SIKE1: variants seen among roughly 807,000 people sequenced by gnomAD.
The protein encoded by SIKE1 is suppressor of IKBKE 1.
A neutral mutation model predicts 25.8 loss-of-function variants in SIKE1; 13 were observed. That is an observed-to-expected ratio of 0.50 (90% CI 0.33 to 0.80). The LOEUF (loss-of-function observed/expected upper bound fraction) is 0.80, where lower values mean the gene tolerates loss of function less well. SIKE1 is among the 30% of genes least tolerant of loss of function. SIKE1 has a pLI of 0.02. For missense variants in SIKE1, 222 were observed against 252.4 expected, an observed-to-expected ratio of 0.88 and a Z score of 0.82; for synonymous variants, 86 against 95.5, an observed-to-expected ratio of 0.90 and a Z score of 0.58.
chr1:114,775,628 T>A (rs1662216500), intron 4 of SIKE1, among the ~76,000 whole-genome samples: 1 of 151,380 alleles, frequency 6.6e-6, no homozygotes, highest in African/African-American at 2.4e-5. Context: ...CACCTCAGCC[T>A]CTGAGTACCT....
intron 2 of SIKE1, among the ~76,000 whole-genome samples, chr1:114,779,806 T>G (rs1662350406): frequency 6.6e-6 from 1 of 152,254 alleles, no homozygotes; most frequent in African/African-American, 2.4e-5. Context: ...TTTATATTAA[T>G]ACTTAAACAT....
At chr1:114,779,017 A>C in intron 3 of SIKE1, 125 bp downstream of exon 3, 2 of 1,179,844 alleles carry the variant, frequency 1.7e-6, no homozygotes, top group Non-Finnish European at 2.4e-6. Flanking sequence ...AGATCGTGCC[A>C]TTACACCACG....
rs184318575 is a variant in SIKE1 at position 114,778,743 on chromosome 1, T to C, written c.408+399A>G. Among the ~76,000 whole-genome samples, 4 of 152,136 alleles carry C rather than the reference T, an allele frequency of 2.6e-5. No homozygotes were observed. The East Asian group carries it at 7.8e-4, about 29-fold the overall frequency. On this transcript the variant is annotated intron_variant, in intron 3 of 4. Transcript: ENST00000060969. ...ACTTTTCTTCAAAAACAAGCACACA[T>C]GGCCAGGCGCAGTGGTTCATGCCTA...
intron 4 of SIKE1, among the ~76,000 whole-genome samples, chr1:114,775,757 T>C (rs1662219090): frequency 6.6e-6 from 1 of 152,146 alleles, no homozygotes; most frequent in Admixed American, 6.5e-5. Flanking sequence ...TTCACTTACC[T>C]CAGCCTCTCA....
chr1:114,774,037 A>C lies in SIKE1; in HGVS notation c.*234T>G. Reference sequence around the variant, plus strand: ...ATAAATCAAGGTCCCAGAAATGAAAATTAAAAGTAGTCTCTTTGAGAAAGG... The same window carrying C: ...ATAAATCAAGGTCCCAGAAATGAAACTTAAAAGTAGTCTCTTTGAGAAAGG... On this transcript the variant is annotated 3_prime_UTR_variant, in exon 5 of 5. Coordinates refer to ENST00000060969, the MANE Select transcript of SIKE1 (RefSeq NM_025073.3). 3.0e-6 allele frequency: 1 copy of C among 337,512 alleles called. No individual in the cohort carries two copies. The highest frequency in any genetic ancestry group is 1.3e-4 in the South Asian group (1 of 7,418). 20.9% of individuals were successfully genotyped at this position (337,512 alleles called of 1,614,324 possible). A position where few individuals can be genotyped will look rare whatever the true frequency, so the allele number is the denominator to read the frequency against.
rs1662009635 is a variant in SIKE1, at chr1:114,769,507, A to G, written c.*4764T>C. 6.6e-6 allele frequency: 1 copy of G among 152,190 alleles called. No homozygotes were observed. The highest frequency in any genetic ancestry group is 1.5e-5 in the Non-Finnish European group (1 of 68,034). 9.4% of individuals were successfully genotyped at this position (152,190 alleles called of 1,614,324 possible). On this transcript the variant is annotated 3_prime_UTR_variant, in exon 5 of 5. Transcript: ENST00000060969. ...TTTTAAAAAATGTATAATTTATTAT[A>G]TATGTATGTATTCCTTAACAATATG... is the stretch of plus-strand genomic sequence containing the variant.
Position 114,773,373 on chromosome 1 carries a change from T to A in SIKE1, c.*898A>T, listed in dbSNP as rs1662123057. The A allele has an allele frequency of 6.6e-6, 1 of 152,092 alleles. No homozygotes were observed. Among genetic ancestry groups the A allele is most frequent in the African/African-American group, 2.4e-5 (1 of 41,516 alleles). 9.4% of individuals were successfully genotyped at this position (152,092 alleles called of 1,614,324 possible). On this transcript the variant is annotated 3_prime_UTR_variant, in exon 5 of 5. Coordinates refer to ENST00000060969, the MANE Select transcript of SIKE1 (RefSeq NM_025073.3). ...CTATTAGTGCTAGGAATGAAAGACA[T>A]CCAATCCAAGTAAGTGATGGTTCTT...
chr1:114,777,256 C>CA (rs1335860723), intron 3 of SIKE1, among the ~76,000 whole-genome samples: 5 of 151,286 alleles, frequency 3.3e-5, no homozygotes, highest in Non-Finnish European at 5.9e-5. Context: ...AAAAAACAAA[C>CA]AAAAAAAAGG....
In SIKE1 at chr1:114,777,917, C is replaced by T. The variant is rs541105871; in HGVS notation, c.408+1225G>A. Among the ~76,000 whole-genome samples, 27 of 152,274 alleles carry T rather than the reference C, an allele frequency of 1.8e-4. No individual in the cohort carries two copies. In the East Asian group the frequency reaches 5.0e-3, roughly 28 times the overall value. ...ACTTAAATTTGAATACTTTTACTGGCAGGAAGCTTACTACATTCCAAGGTG... is the reference window on the plus strand; with the variant it reads ...ACTTAAATTTGAATACTTTTACTGGTAGGAAGCTTACTACATTCCAAGGTG... On this transcript the variant is annotated intron_variant, in intron 3 of 4. Transcript: ENST00000060969.
chr1:114,780,285 G>A lies in SIKE1; in HGVS notation c.160-70C>T, dbSNP rs144256088. The A allele has an allele frequency of 2.8e-3, 4,312 of 1,550,428 alleles. 11 individuals are homozygous for A. The highest frequency in any genetic ancestry group is 3.5e-3 in the Non-Finnish European group (3,969 of 1,128,130). On this transcript the variant is annotated intron_variant, in intron 1 of 4. Coordinates refer to ENST00000060969, the MANE Select transcript of SIKE1 (RefSeq NM_025073.3). The stretch of plus-strand genomic sequence containing the variant: ...GGCAGATGCAACTGAAGAGGCAGAA[G>A]TTAGGGCTCCAGGGCAGGATTCTCA...
intron 4 of SIKE1, among the ~76,000 whole-genome samples, chr1:114,774,606 T>A (rs1442642621): frequency 6.6e-6 from 1 of 152,188 alleles, no homozygotes; most frequent in African/African-American, 2.4e-5. Context: ...ACTGAGTAAT[T>A]TCTATATACC....
At chr1:114,774,926 A>G (rs1662170211) in intron 4 of SIKE1, among the ~76,000 whole-genome samples, 1 of 152,124 alleles carries the variant, frequency 6.6e-6, no homozygotes. Context: ...TCAGATGAGG[A>G]TACTCTGGCT....
In SIKE1 at chr1:114,770,548, T is replaced by C. The variant is rs1570982031; in HGVS notation, c.*3723A>G. On this transcript the variant is annotated 3_prime_UTR_variant, in exon 5 of 5. Transcript: ENST00000060969. ...CTTCTTTGTATCACTAATTTTAAAA[T>C]TGAAGGCAGATGTTTCTTCCTTAGC... The C allele has an allele frequency of 6.6e-6, 1 of 152,214 alleles. No individual in the cohort carries two copies. The highest frequency in any genetic ancestry group is 2.4e-5 in the African/African-American group (1 of 41,462). The allele number at this position is 152,214 out of a possible 1,614,324, so 9.4% of individuals were successfully genotyped here.
intron 4 of SIKE1, 123 bp downstream of exon 4, chr1:114,776,223 T>C: frequency 1.5e-6 from 1 of 669,570 alleles, no homozygotes; most frequent in South Asian, 1.8e-5. Context: ...AGGAGGAGTT[T>C]TAATTTTAAA....
rs763054890 is a variant in SIKE1 at position 114,771,188 on chromosome 1, G to GT, written c.*3082dup. ...AGAACTGCACCTTTTCCTGTATATAGTAAGAGTCACTGATTAAACATTATT... is the reference window on the plus strand; with the variant it reads ...AGAACTGCACCTTTTCCTGTATATAGTTAAGAGTCACTGATTAAACATTATT... On this transcript the variant is annotated 3_prime_UTR_variant, in exon 5 of 5. Coordinates refer to ENST00000060969, the MANE Select transcript of SIKE1 (RefSeq NM_025073.3). 4.6e-5 allele frequency: 7 copies of GT among 152,204 alleles called. No individual in the cohort carries two copies. The highest frequency in any genetic ancestry group is 1.3e-4 in the Admixed American group (2 of 15,282). The allele number at this position is 152,204 out of a possible 1,614,324, so 9.4% of individuals were successfully genotyped here. A position where few individuals can be genotyped will look rare whatever the true frequency, so the allele number is the denominator to read the frequency against.
rs1233497863 is a variant in SIKE1 at position 114,769,811 on chromosome 1, C to T, written c.*4460G>A. ...GAGAAGAGCTCAAATAGATAAAATA[C>T]AAGCACTCATAATGTTATTCTTAAG... On this transcript the variant is annotated 3_prime_UTR_variant, in exon 5 of 5. Coordinates refer to ENST00000060969, the MANE Select transcript of SIKE1 (RefSeq NM_025073.3). 2 of 152,090 alleles carry T rather than the reference C, an allele frequency of 1.3e-5. No individual in the cohort carries two copies. Among genetic ancestry groups the T allele is most frequent in the African/African-American group, 4.8e-5 (2 of 41,398 alleles). The allele number at this position is 152,090 out of a possible 1,614,324, so 9.4% of individuals were successfully genotyped here.
chr1:114,771,130 A>C lies in SIKE1; in HGVS notation c.*3141T>G, dbSNP rs1376544101. 1 of 152,222 alleles carries C rather than the reference A, an allele frequency of 6.6e-6. No homozygotes were observed. Among genetic ancestry groups the C allele is most frequent in the African/African-American group, 2.4e-5 (1 of 41,454 alleles). The allele number at this position is 152,222 out of a possible 1,614,324, so 9.4% of individuals were successfully genotyped here. A position where few individuals can be genotyped will look rare whatever the true frequency, so the allele number is the denominator to read the frequency against. On this transcript the variant is annotated 3_prime_UTR_variant, in exon 5 of 5. Coordinates refer to ENST00000060969, the MANE Select transcript of SIKE1 (RefSeq NM_025073.3). ...ACAAGAAAACAGCATGAGGGATGTA[A>C]GCCAATATGGTAAGGAGGCAGATTT...
rs1456881049 is a variant in SIKE1, at chr1:114,771,247, A to G, written c.*3024T>C. The G allele has an allele frequency of 1.3e-5, 2 of 152,246 alleles. No homozygotes were observed. The highest frequency in any genetic ancestry group is 6.5e-5 in the Admixed American group (1 of 15,286). 9.4% of individuals were successfully genotyped at this position (152,246 alleles called of 1,614,324 possible). A position where few individuals can be genotyped will look rare whatever the true frequency, so the allele number is the denominator to read the frequency against. ...TTGAATCACACATACTCTCAGCTACACCATTCTAGAAAATAATATCTCATT... is the reference window on the plus strand; with the variant it reads ...TTGAATCACACATACTCTCAGCTACGCCATTCTAGAAAATAATATCTCATT... On this transcript the variant is annotated 3_prime_UTR_variant, in exon 5 of 5. Transcript: ENST00000060969.
At chr1:114,776,562 T>G in intron 3 of SIKE1, 103 bp from the exon 4 acceptor site, 1 of 774,284 alleles carries the variant, frequency 1.3e-6, no homozygotes, top group South Asian at 1.5e-5. Context: ...TCATTTAATC[T>G]ATGATACAGA....
Sources: allele counts gnomAD v4.1 joint callset (sites outside exome capture counted in the v4.1 genomes callset), GRCh38; gene constraint gnomAD v4.1.1; transcripts MANE v1.5; gene names NCBI Gene and HGNC (gene_info 2026-07-23, HGNC 2026-07-21).